The following ZNF800 variants were observed in gnomAD, a reference collection of about 807,000 sequenced individuals.
The protein encoded by ZNF800 is zinc finger protein 800.
A neutral mutation model predicts 59.5 loss-of-function variants in ZNF800; 13 were observed. The observed-to-expected ratio is 0.22, with a 90% CI of 0.14 to 0.35. ZNF800 has a LOEUF of 0.35. ZNF800 is among the 10% of genes least tolerant of loss of function. ZNF800 has a pLI of 1.00. For synonymous variants in ZNF800, 266 were observed against 265.7 expected, an observed-to-expected ratio of 1.00 and a Z score of -0.01; for missense variants, 621 against 783.7, an observed-to-expected ratio of 0.79 and a Z score of 2.48.
intron 1 of ZNF800, among the ~76,000 whole-genome samples, chr7:127,358,809 T>C (rs1354267152): frequency 6.6e-6 from 1 of 152,128 alleles, no homozygotes; most frequent in East Asian, 1.9e-4. Context: ...CCTGACTCAG[T>C]GCCTCGCACG....
At chr7:127,384,725 A>G (rs1000048916) in intron 3 of ZNF800, among the ~76,000 whole-genome samples, 1 of 152,182 alleles carries the variant, frequency 6.6e-6, no homozygotes, top group African/African-American at 2.4e-5. Flanking sequence ...AAAAGAAGCT[A>G]AAACAAACAG....
chr7:127,357,551 T>C (rs1334193477), intron 1 of ZNF800, among the ~76,000 whole-genome samples: 2 of 152,024 alleles, frequency 1.3e-5, no homozygotes, highest in Non-Finnish European at 2.9e-5. Flanking sequence ...ATCAGAGGCA[T>C]GGGGAGTAAA....
rs544616815 is a variant in ZNF800 at position 127,374,240 on chromosome 7, T to C, written c.1096A>G (p.Arg366Gly). ...AGCATTATTTGTGAACTATATTTCC[T>C]CTTGCAAAGGAGGCATTTGCATGCA... ...LTACKCLLCK[R>G]KYSSQIMLKR... The change falls in exon 5 of 6, where the codon AGG becomes GGG. Residue 366 changes from arginine (R) to glycine (G), a missense_variant. Arg to Gly is a moderately radical substitution (Grantham distance 125). Around this residue, in one of 7 missense-constraint regions of ZNF800, gnomAD observed 185 missense variants for 177.6 expected, o/e 1.04. Coordinates refer to ENST00000265827, the MANE Select transcript of ZNF800 (RefSeq NM_176814.5). The C allele has an allele frequency of 1.2e-6, 2 of 1,614,082 alleles. No homozygotes were observed. The highest frequency in any genetic ancestry group is 2.2e-5 in the East Asian group (1 of 44,876).
At chr7:127,343,703 T>C (rs942333189), downstream of ZNF800, among the ~76,000 whole-genome samples, 5 of 151,990 alleles carry the variant, frequency 3.3e-5, no homozygotes, top group South Asian at 1.0e-3. Context: ...ATCTTATTCA[T>C]AAATATAAAT....
downstream of ZNF800, among the ~76,000 whole-genome samples, chr7:127,367,014 C>G (rs900588802): frequency 2.6e-5 from 4 of 152,130 alleles, no homozygotes; most frequent in African/African-American, 9.7e-5. Flanking sequence ...TGAGAAGATA[C>G]AGAGTGAGGT....
At position 127,374,536 on chromosome 7, in the gene ZNF800, C is replaced by A. The variant is rs1014666670; in HGVS notation, c.800G>T (p.Arg267Leu). 6.2e-7 allele frequency: 1 copy of A among 1,614,070 alleles called. No homozygotes were observed. The highest frequency in any genetic ancestry group is 8.5e-7 in the Non-Finnish European group (1 of 1,179,968). The change falls in exon 5 of 6, where the codon CGA (arginine) becomes CTA (leucine). Residue 267 changes from arginine to leucine, a missense_variant. By Grantham distance (102) the Arg-to-Leu change is moderately radical. Transcript: ENST00000265827. ...TTTAGAGGATTGGTTTGGATTCTTT[C>A]GTGTTTCAATGTACTTTTTTAGTTC... ...MEELKKYIET[R>L]KNPNQSSKGR...
At position 127,377,468 on chromosome 7, in the gene ZNF800, C is replaced by T. The variant is rs765340340; in HGVS notation, c.158-139G>A. ...ATATAGGCATTGCCAATTTCCACCA[C>T]AGTATATTTAGAACTAAGTTATAGA... On this transcript the variant is annotated intron_variant, in intron 3 of 5. Transcript: ENST00000265827. The surrounding 1 kb of genome is among the most constrained non-coding windows in gnomAD (Gnocchi z 4.7). 2.1e-5 allele frequency: 13 copies of T among 621,748 alleles called. No homozygotes were observed. The highest frequency in any genetic ancestry group is 3.2e-5 in the Non-Finnish European group (12 of 372,394). The allele number at this position is 621,748 out of a possible 1,614,324, so 38.5% of individuals were successfully genotyped here. A position where few individuals can be genotyped will look rare whatever the true frequency, so the allele number is the denominator to read the frequency against.
In ZNF800 at chr7:127,392,202, C is replaced by T. The variant is rs1047759352; in HGVS notation, c.-201G>A. Reference sequence around the variant, plus strand: ...CCACGCGGGGGAACCCGGACTCGGGCCCGACGCGCTCCCAAAGAGTCCCCG... The same window carrying T: ...CCACGCGGGGGAACCCGGACTCGGGTCCGACGCGCTCCCAAAGAGTCCCCG... On this transcript the variant is annotated 5_prime_UTR_variant, in exon 1 of 6. Transcript: ENST00000265827. 2 of 394,894 alleles carry T rather than the reference C, an allele frequency of 5.1e-6. No individual in the cohort carries two copies. The highest frequency in any genetic ancestry group is 8.9e-6 in the Non-Finnish European group (2 of 223,536). 24.5% of individuals were successfully genotyped at this position (394,894 alleles called of 1,614,324 possible).
chr7:127,358,325 T>G (rs192530450), intron 1 of ZNF800, among the ~76,000 whole-genome samples: 1 of 151,998 alleles, frequency 6.6e-6, no homozygotes. Flanking sequence ...CTGAAATAAT[T>G]ATTTCACCTG....
At chr7:127,391,696 C>T in intron 1 of ZNF800, 81 bp from the exon 2 acceptor site, 2 of 718,962 alleles carry the variant, frequency 2.8e-6, no homozygotes, top group Non-Finnish European at 5.0e-6. Flanking sequence ...ACGTTCCCAT[C>T]ATCAGCTCTC....
intron 4 of ZNF800, among the ~76,000 whole-genome samples, 186 bp from the exon 5 acceptor site, chr7:127,375,220 T>A (rs1387845173): frequency 2.6e-5 from 4 of 152,104 alleles, no homozygotes; most frequent in African/African-American, 9.7e-5. Flanking sequence ...AAATTTCCTT[T>A]AAATTCTCAT....
downstream of ZNF800, among the ~76,000 whole-genome samples, chr7:127,344,265 G>C (rs553008494): frequency 2.2e-4 from 34 of 151,998 alleles, no homozygotes; most frequent in Non-Finnish European, 3.7e-4. Flanking sequence ...AATAAAAAAT[G>C]ATGGAAAAAT....
At chr7:127,351,037 TCA>T (rs1800158588) in intron 1 of ZNF800, among the ~76,000 whole-genome samples, 1 of 152,210 alleles carries the variant, frequency 6.6e-6, no homozygotes, top group South Asian at 2.1e-4. Context: ...ATCAACAGTT[TCA>T]TTCATTTGCA....
chr7:127,357,814 A>G (rs1227202302), intron 1 of ZNF800, among the ~76,000 whole-genome samples: 1 of 151,982 alleles, frequency 6.6e-6, no homozygotes, highest in Non-Finnish European at 1.5e-5. Context: ...AATACATGTT[A>G]TATTACATAT....
intron 1 of ZNF800, among the ~76,000 whole-genome samples, chr7:127,356,598 A>G (rs1408625806): frequency 2.6e-5 from 4 of 151,862 alleles, no homozygotes; most frequent in Non-Finnish European, 5.9e-5. Context: ...ACAAAAAGAG[A>G]CTGGAAACAG....
intron 1 of ZNF800, among the ~76,000 whole-genome samples, chr7:127,351,177 G>C (rs541927308): frequency 2.0e-5 from 3 of 152,266 alleles, no homozygotes; most frequent in African/African-American, 7.2e-5. Flanking sequence ...CAAACTATTT[G>C]ATTCTGCACT....
intron 1 of ZNF800, chr7:127,362,731 GAAAC>G (rs1399191775): frequency 6.6e-6 from 1 of 152,098 alleles, no homozygotes; most frequent in Admixed American, 6.6e-5. Context: ...AAAGGAACAT[GAAAC>G]AAACAACAAA....
chr7:127,372,187 A>C (rs1800650012), intron 5 of ZNF800, among the ~76,000 whole-genome samples: 1 of 152,126 alleles, frequency 6.6e-6, no homozygotes, highest in African/African-American at 2.4e-5. Flanking sequence ...TTTAACAAGT[A>C]GTATTTTTTG....
Position 127,377,397 on chromosome 7 carries a change from AACCACTGTTGACAG to A in ZNF800, c.158-82_158-69del. The A allele has an allele frequency of 7.2e-7, 1 of 1,391,574 alleles. No individual in the cohort carries two copies. The highest frequency in any genetic ancestry group is 9.8e-7 in the Non-Finnish European group (1 of 1,020,440). 86.2% of individuals were successfully genotyped at this position (1,391,574 alleles called of 1,614,324 possible). ...TTTAACATGCACTTTTAAACTGGAC[AACCACTGTTGACAG>A]ACCAAAAGTGCAGTTACTCTTTGAA... On this transcript the variant is annotated intron_variant, in intron 3 of 5. Coordinates refer to ENST00000265827, the MANE Select transcript of ZNF800 (RefSeq NM_176814.5). The surrounding 1 kb of genome is among the most constrained non-coding windows in gnomAD (Gnocchi z 4.7).
Sources: allele counts gnomAD v4.1 joint callset (sites outside exome capture counted in the v4.1 genomes callset), GRCh38; gene constraint gnomAD v4.1.1; regional missense constraint gnomAD v4.1.1; non-coding constraint Gnocchi (gnomAD v3.1); transcripts MANE v1.5; gene names NCBI Gene and HGNC (gene_info 2026-07-23, HGNC 2026-07-21).